FAM83B: variants seen among roughly 807,000 people sequenced by gnomAD.
The protein encoded by FAM83B is scaffolding CK1 anchoring protein B.
FAM83B carries 26 observed loss-of-function variants against 38.8 expected under a neutral mutation model. The observed-to-expected ratio is 0.67, with a 90% CI of 0.49 to 0.93. FAM83B has a LOEUF of 0.93. Ranked by LOEUF, FAM83B falls within the 40% of genes least tolerant of loss-of-function variation. The pLI is 0.00. For missense variants in FAM83B, 1,237 were observed against 1,197.3 expected (o/e 1.03, Z -0.49); for synonymous variants, 419 against 423.1 (o/e 0.99, Z 0.12).
chr6:54,941,376 G>C lies in FAM83B; in HGVS notation c.2405G>C (p.Ser802Thr). Residue 802 changes from serine to threonine, a missense_variant, in exon 5 of 5, where the codon AGT (serine) becomes ACT (threonine). By Grantham distance (58) the Ser-to-Thr change is moderately conservative. Coordinates refer to ENST00000306858, the MANE Select transcript of FAM83B (RefSeq NM_001010872.3). ...NKAPAFYRLC[S>T]SSDTLVSEGE... Reference sequence around the variant, plus strand: ...GCACCTGCCTTTTATAGATTGTGTAGTAGCTCTGACACATTAGTTTCTGAG... The same window carrying C: ...GCACCTGCCTTTTATAGATTGTGTACTAGCTCTGACACATTAGTTTCTGAG... 6.2e-7 allele frequency: 1 copy of C among 1,613,444 alleles called. No individual in the cohort carries two copies.
At chr6:54,874,692 T>A (rs1232834575) in intron 2 of FAM83B, among the ~76,000 whole-genome samples, 5 of 152,228 alleles carry the variant, frequency 3.3e-5, no homozygotes, top group Non-Finnish European at 7.3e-5. Context: ...TCTGAATGTT[T>A]AACCACAATG....
intron 1 of FAM83B, among the ~76,000 whole-genome samples, chr6:54,856,942 G>A (rs1014554838): frequency 4.0e-4 from 61 of 152,134 alleles, no homozygotes; most frequent in African/African-American, 1.4e-3. Context: ...ATATTATTTG[G>A]CATTCGAACT....
chr6:54,935,598 G>T (rs1388831939), intron 4 of FAM83B, among the ~76,000 whole-genome samples: 3 of 152,090 alleles, frequency 2.0e-5, no homozygotes, highest in Non-Finnish European at 4.4e-5. Context: ...AATTATCTTA[G>T]GCCAGGTAAG....
At chr6:54,875,265 A>C (rs539898694) in intron 2 of FAM83B, among the ~76,000 whole-genome samples, 17 of 152,198 alleles carry the variant, frequency 1.1e-4, no homozygotes, top group African/African-American at 4.1e-4. Context: ...AATGATTTTT[A>C]TTGTGTCGTG....
At chr6:54,918,613 C>A (rs239803) in intron 2 of FAM83B, among the ~76,000 whole-genome samples, 2 of 151,974 alleles carry the variant, frequency 1.3e-5, no homozygotes, top group Non-Finnish European at 2.9e-5. Context: ...TTCACTATCA[C>A]AAGAACAGCA....
chr6:54,870,452 A>T lies in FAM83B; in HGVS notation c.206A>T (p.Gln69Leu). ...ATTAATTATATTTTGAAAAATGTCCAGAAAGTTGCACAAAGCACAGCACAT... is the reference window on the plus strand; with the variant it reads ...ATTAATTATATTTTGAAAAATGTCCTGAAAGTTGCACAAAGCACAGCACAT... ...EEINYILKNV[Q>L]KVAQSTAHGT... Residue 69 changes from glutamine to leucine, a missense_variant, in exon 2 of 5, where the codon CAG (glutamine) becomes CTG (leucine). By Grantham distance (113) the Gln-to-Leu change is moderately radical. Coordinates refer to ENST00000306858, the MANE Select transcript of FAM83B (RefSeq NM_001010872.3). 6.2e-7 allele frequency: 1 copy of T among 1,614,074 alleles called. No individual in the cohort carries two copies. Among genetic ancestry groups the T allele is most frequent in the South Asian group, 1.1e-5 (1 of 91,090 alleles).
intron 1 of FAM83B, among the ~76,000 whole-genome samples, chr6:54,851,751 C>T (rs1215038775): frequency 6.9e-6 from 1 of 145,200 alleles, no homozygotes; most frequent in Non-Finnish European, 1.5e-5. Context: ...GGGTTCATGC[C>T]ATTCTCCTGC....
chr6:54,857,434 C>T (rs1383500298), intron 1 of FAM83B, among the ~76,000 whole-genome samples: 1 of 152,162 alleles, frequency 6.6e-6, no homozygotes, highest in Non-Finnish European at 1.5e-5. Context: ...TTGAACGAGA[C>T]TGAACCCTGC....
intron 2 of FAM83B, among the ~76,000 whole-genome samples, chr6:54,904,456 G>C (rs1772732023): frequency 6.6e-6 from 1 of 152,056 alleles, no homozygotes; most frequent in Non-Finnish European, 1.5e-5. Context: ...TACTTTCTAA[G>C]ACAATTTAAG....
intron 1 of FAM83B, among the ~76,000 whole-genome samples, chr6:54,865,977 A>G (rs1771692188): frequency 8.7e-6 from 1 of 114,330 alleles, no homozygotes; most frequent in Non-Finnish European, 1.8e-5. Context: ...CATAATAATA[A>G]TAATAATAAT....
At chr6:54,934,174 A>G (rs1432239297) in intron 4 of FAM83B, among the ~76,000 whole-genome samples, 1 of 151,948 alleles carries the variant, frequency 6.6e-6, no homozygotes, top group Non-Finnish European at 1.5e-5. Flanking sequence ...GTGTTTTCGG[A>G]AGTATTTTTA....
chr6:54,906,541 T>G (rs752431082), intron 2 of FAM83B, among the ~76,000 whole-genome samples: 38 of 151,966 alleles, frequency 2.5e-4, no homozygotes, highest in Non-Finnish European at 5.0e-4. Flanking sequence ...CGTGCCCCTA[T>G]GCCCAGCTAA....
Position 54,941,159 on chromosome 6 carries a change from C to A in FAM83B, c.2188C>A (p.Pro730Thr). The A allele has an allele frequency of 6.2e-7, 1 of 1,614,024 alleles. No individual in the cohort carries two copies. The highest frequency in any genetic ancestry group is 8.5e-7 in the Non-Finnish European group (1 of 1,179,984). Residue 730 changes from proline to threonine, a missense_variant, in exon 5 of 5, where the codon CCA becomes ACA. Pro to Thr is a conservative substitution (Grantham distance 38). Coordinates refer to ENST00000306858, the MANE Select transcript of FAM83B (RefSeq NM_001010872.3). Reference protein sequence around the residue: ...DEEEVTKRNSPSGTTTKSVSI... With the variant: ...DEEEVTKRNSTSGTTTKSVSI... ...GGAGGAAGTTACCAAGAGAAACTCT[C>A]CAAGTGGCACTACTACCAAATCAGT...
chr6:54,884,496 A>G (rs978820937), intron 2 of FAM83B, among the ~76,000 whole-genome samples: 41 of 151,406 alleles, frequency 2.7e-4, no homozygotes, highest in South Asian at 1.2e-3. Flanking sequence ...AAAAAAAAAA[A>G]AAAGAAATAT....
intron 1 of FAM83B, among the ~76,000 whole-genome samples, chr6:54,859,964 C>T (rs536310260): frequency 1.3e-5 from 2 of 152,158 alleles, no homozygotes; most frequent in East Asian, 3.9e-4. Flanking sequence ...CATTGATAAA[C>T]ATTTGTTAAA....
chr6:54,850,249 T>C (rs71560870), intron 1 of FAM83B, among the ~76,000 whole-genome samples: 3,594 of 152,326 alleles, frequency 0.024, 53 homozygotes, highest in Middle Eastern at 0.11. Flanking sequence ...GGGATAGTCA[T>C]GTTTTTTGAC....
At chr6:54,856,427 G>C (rs1210612821) in intron 1 of FAM83B, among the ~76,000 whole-genome samples, 1 of 152,124 alleles carries the variant, frequency 6.6e-6, no homozygotes, top group Non-Finnish European at 1.5e-5. Context: ...TCTCAGAATT[G>C]CAGTCTTGCA....
rs1045960395 is a variant in FAM83B, at chr6:54,944,540, T to C, written c.*2533T>C. 1 of 152,172 alleles carries C rather than the reference T, an allele frequency of 6.6e-6. No individual in the cohort carries two copies. The highest frequency in any genetic ancestry group is 1.9e-4 in the East Asian group (1 of 5,190). 9.4% of individuals were successfully genotyped at this position (152,172 alleles called of 1,614,324 possible). The stretch of plus-strand genomic sequence containing the variant: ...ATAATTCTGACATGGTGTGTTCAGG[T>C]ATGGGTATATGTTGTCAGTCTACAC... On this transcript the variant is annotated 3_prime_UTR_variant, in exon 5 of 5. Coordinates refer to ENST00000306858, the MANE Select transcript of FAM83B (RefSeq NM_001010872.3).
chr6:54,888,761 G>A (rs561978098), intron 2 of FAM83B, among the ~76,000 whole-genome samples: 29 of 151,876 alleles, frequency 1.9e-4, no homozygotes, highest in Admixed American at 1.6e-3. Context: ...ACATAATAGA[G>A]CTTCTTGAAT....
Sources: allele counts gnomAD v4.1 joint callset (sites outside exome capture counted in the v4.1 genomes callset), GRCh38; gene constraint gnomAD v4.1.1; transcripts MANE v1.5; gene names NCBI Gene and HGNC (gene_info 2026-07-23, HGNC 2026-07-21).